POLR1A: variants seen among roughly 807,000 people sequenced by gnomAD.
POLR1A encodes the protein RNA polymerase I subunit A.
Under a neutral mutation model 205.3 loss-of-function variants are expected in POLR1A, and 84 were observed. That is an observed-to-expected ratio of 0.41 (90% confidence interval 0.34 to 0.49). The LOEUF is 0.49. Among genes scored for constraint, POLR1A ranks in the 20% least tolerant of loss-of-function variants. The pLI, the probability that POLR1A is intolerant of heterozygous loss-of-function variation, is 0.22. For synonymous variants in POLR1A, 799 were observed against 863.7 expected, an observed-to-expected ratio of 0.93 and a Z score of 1.31; for missense variants, 1,645 against 2,204.5, an observed-to-expected ratio of 0.75 and a Z score of 5.08.
rs957661070 is a variant in POLR1A, at chr2:86,027,981, G to A, written c.4966C>T (p.Pro1656Ser). 1.2e-6 allele frequency: 2 copies of A among 1,614,200 alleles called. No individual in the cohort carries two copies. The highest frequency in any genetic ancestry group is 1.7e-6 in the Non-Finnish European group (2 of 1,180,032). The change falls in exon 33 of 34, where the codon CCA (proline) becomes TCA (serine). Residue 1656 changes from proline (P) to serine (S), a missense_variant. By Grantham distance (74) the Pro-to-Ser change is moderately conservative (BLOSUM62 -1). Transcript: ENST00000263857. ...GACCGGATCCCAAAGCGATTCAGTGGCTTGTAAACACCCTCGAAGCACATA... is the reference window on the plus strand; with the variant it reads ...GACCGGATCCCAAAGCGATTCAGTGACTTGTAAACACCCTCGAAGCACATA... ...DYMCFEGVYK[P>S]LNRFGIRSNS...
chr2:86,039,360 C>A lies in POLR1A; in HGVS notation c.3843G>T (p.Leu1281=), dbSNP rs200866831. 1,517 of 1,614,132 alleles carry A rather than the reference C, an allele frequency of 9.4e-4. 2 individuals carry two copies. The highest frequency in any genetic ancestry group is 1.2e-3 in the Non-Finnish European group (1,426 of 1,180,016). ...AGCACACCCTGGTGAGTTGCTTCTT[C>A]AGGCTTTTCACTCTCTTCAGGGCTT... ...TKKALKRVKS[L]KKQLTRVCLG... The change falls in exon 26 of 34, where the codon CTG becomes CTT. Residue 1281 remains leucine (L), a synonymous_variant. Coordinates refer to ENST00000263857, the MANE Select transcript of POLR1A (RefSeq NM_015425.6).
At chr2:86,072,198 G>A (rs1186432320) in intron 12 of POLR1A, among the ~76,000 whole-genome samples, 1 of 152,160 alleles carries the variant, frequency 6.6e-6, no homozygotes, top group Non-Finnish European at 1.5e-5. Flanking sequence ...CATGGAGTCC[G>A]TCTTTTTGCT....
Position 86,028,783 on chromosome 2 carries a change from C to G in POLR1A, c.4780-72G>C, listed in dbSNP as rs1009168284. ...CTCCCTTCTGCCTGCGTATCTCCCC[C>G]TGGCCGCTCTCTCTCTCCTTGTGTC... On this transcript the variant is annotated intron_variant, in intron 31 of 33. Coordinates refer to ENST00000263857, the MANE Select transcript of POLR1A (RefSeq NM_015425.6). This position sits in a 1 kb window ranked among gnomAD's most constrained non-coding sequence, Gnocchi z 4.5. The G allele has an allele frequency of 9.2e-6, 10 of 1,084,834 alleles. No individual in the cohort carries two copies. The highest frequency in any genetic ancestry group is 1.6e-5 in the African/African-American group (1 of 64,500). 67.2% of individuals were successfully genotyped at this position (1,084,834 alleles called of 1,614,324 possible).
chr2:86,046,712 C>T (rs529964863), intron 19 of POLR1A, among the ~76,000 whole-genome samples: 21 of 152,016 alleles, frequency 1.4e-4, no homozygotes, highest in Middle Eastern at 3.4e-3. Context: ...GGCATGGTGG[C>T]GCATGCCTGT....
At chr2:86,096,630 G>A (rs1228512918) in intron 3 of POLR1A, among the ~76,000 whole-genome samples, 1 of 152,106 alleles carries the variant, frequency 6.6e-6, no homozygotes, top group Non-Finnish European at 1.5e-5. Context: ...CATATCTACA[G>A]CCAACTGATT....
At chr2:86,048,838 C>A in intron 18 of POLR1A, 46 bp downstream of exon 18, 1 of 1,548,282 alleles carries the variant, frequency 6.5e-7, no homozygotes, top group South Asian at 1.1e-5. Context: ...TTTTAAAAAT[C>A]AGCATTCATA....
chr2:86,088,757 C>A, intron 5 of POLR1A, 28 bp downstream of exon 5: 1 of 1,603,678 alleles, frequency 6.2e-7, no homozygotes, highest in South Asian at 1.1e-5. Context: ...AGAGACGTCT[C>A]ACCTGGCGCA....
intron 12 of POLR1A, among the ~76,000 whole-genome samples, chr2:86,071,943 A>ACAAC (rs767484288): frequency 8.5e-5 from 13 of 152,226 alleles, no homozygotes; most frequent in Non-Finnish European, 1.6e-4. Context: ...CCTCTAAATC[A>ACAAC]CAACAGATAG....
intron 12 of POLR1A, 92 bp downstream of exon 12, chr2:86,074,938 C>G: frequency 3.6e-6 from 3 of 841,650 alleles, no homozygotes; most frequent in Non-Finnish European, 5.6e-6. Context: ...GCTCCTGTGT[C>G]AGTGCGCACC....
intron 14 of POLR1A, among the ~76,000 whole-genome samples, chr2:86,058,339 T>TC (rs1672935070): frequency 6.6e-6 from 1 of 151,442 alleles, no homozygotes; most frequent in Non-Finnish European, 1.5e-5. Flanking sequence ...GATGTCGTGA[T>TC]CCGGCCGCCT....
chr2:86,042,148 T>C, intron 23 of POLR1A, 45 bp from the exon 24 acceptor site: 1 of 1,374,732 alleles, frequency 7.3e-7, no homozygotes, highest in African/African-American at 1.4e-5. Context: ...GGATACCCAG[T>C]AGCATAAGAG....
At chr2:86,042,316 T>C (rs1221803711) in intron 23 of POLR1A, among the ~76,000 whole-genome samples, 1 of 152,200 alleles carries the variant, frequency 6.6e-6, no homozygotes, top group Non-Finnish European at 1.5e-5. Context: ...TCCTGGCCCA[T>C]TCAAGCCCAG....
chr2:86,101,666 A>C (rs1261992674), intron 1 of POLR1A, among the ~76,000 whole-genome samples: 1 of 152,232 alleles, frequency 6.6e-6, no homozygotes, highest in East Asian at 1.9e-4. Context: ...ATATAAATTC[A>C]TCATAACTGT....
rs757210116 is a variant in POLR1A, at chr2:86,097,214, C to CAAAAAAAAAAAAAAAAAAAAAAAA, written c.432+1373_432+1396dup. Among the ~76,000 whole-genome samples, 25 of 39,692 alleles carry CAAAAAAAAAAAAAAAAAAAAAAAA rather than the reference C, an allele frequency of 6.3e-4. 8 individuals are homozygous for CAAAAAAAAAAAAAAAAAAAAAAAA. The highest frequency in any genetic ancestry group is 2.0e-3 in the East Asian group (2 of 976). 26.0% of individuals were successfully genotyped at this position (39,692 alleles called of 152,430 possible). A position where few individuals can be genotyped will look rare whatever the true frequency, so the allele number is the denominator to read the frequency against. ...CATTAGGATGGCTATCCCCAAAAGA[C>CAAAAAAAAAAAAAAAAAAAAAAAA]AAAAAAAAAAAAAAAAAAAAAAAAA... On this transcript the variant is annotated intron_variant, in intron 3 of 33. Transcript: ENST00000263857.
At chr2:86,062,149 T>C (rs1356810436) in intron 14 of POLR1A, among the ~76,000 whole-genome samples, 1 of 152,234 alleles carries the variant, frequency 6.6e-6, no homozygotes, top group African/African-American at 2.4e-5. Context: ...ATTCTAAACA[T>C]GGTTTTTCTC....
chr2:86,035,900 A>G (rs1475988056), intron 27 of POLR1A, among the ~76,000 whole-genome samples: 1 of 152,250 alleles, frequency 6.6e-6, no homozygotes, highest in Non-Finnish European at 1.5e-5. Context: ...AGAAGGCAGA[A>G]TGAATGGCTG....
At position 86,078,202 on chromosome 2, in the gene POLR1A, ATGT is replaced by A. The variant is rs1302987387; in HGVS notation, c.1166_1168del (p.Asn389del). On this transcript the variant is annotated inframe_deletion, in exon 10 of 34. Transcript: ENST00000263857. ...GACGTGGCTCTGAAGGCGAATCCAA[ATGT>A]TGTAAAGTTTGTCTATGAGGGACTG... 1 of 1,613,124 alleles carries A rather than the reference ATGT, an allele frequency of 6.2e-7. No individual in the cohort carries two copies. Among genetic ancestry groups the A allele is most frequent in the African/African-American group, 1.3e-5 (1 of 74,794 alleles).
intron 6 of POLR1A, among the ~76,000 whole-genome samples, chr2:86,085,383 G>A (rs1673486788): frequency 6.6e-6 from 1 of 152,172 alleles, no homozygotes; most frequent in Non-Finnish European, 1.5e-5. Context: ...GTCGATAAAA[G>A]CAGAATATTT....
At chr2:86,040,919 C>T (rs1024349355) in intron 24 of POLR1A, among the ~76,000 whole-genome samples, 1 of 152,122 alleles carries the variant, frequency 6.6e-6, no homozygotes, top group African/African-American at 2.4e-5. Flanking sequence ...TCTTTCTTCT[C>T]AATTATGACA....
Sources: gnomAD v4.1 joint callset for allele counts (sites outside exome capture counted in the v4.1 genomes callset) on GRCh38, gnomAD v4.1.1 for gene constraint, Gnocchi (gnomAD v3.1) non-coding constraint, MANE v1.5 for transcripts, NCBI Gene and HGNC (gene_info 2026-07-23, HGNC 2026-07-21) for gene names.